DEFB134: variants seen among roughly 807,000 people sequenced by gnomAD.
The protein encoded by DEFB134 is beta-defensin 134.
Under a neutral mutation model 7.4 loss-of-function variants are expected in DEFB134, and 7 were observed. The ratio of observed to expected loss-of-function variants is 0.95; its 90% CI spans 0.54 to 1.79. DEFB134 has a LOEUF of 1.79. Ranked by LOEUF, DEFB134 falls within the 40% of genes most tolerant of loss-of-function variation. The pLI, the probability that DEFB134 is intolerant of heterozygous loss-of-function variation, is 0.00. For synonymous variants in DEFB134, 33 were observed against 25.0 expected (o/e 1.32, Z -0.96); for missense variants, 105 against 74.8 (o/e 1.40, Z -1.49).
chr8:11,999,560 C>T (rs1250280339), upstream of DEFB134: 3 of 152,198 alleles, frequency 2.0e-5, no homozygotes, highest in Non-Finnish European at 4.4e-5. Context: ...TATCATTCTC[C>T]CACTATTGAT....
At chr8:11,994,569 A>C (rs1800067715) in intron 1 of DEFB134, among the ~76,000 whole-genome samples, 1 of 152,222 alleles carries the variant, frequency 6.6e-6, no homozygotes, top group Non-Finnish European at 1.5e-5. Context: ...AAGTTTGTCT[A>C]AGCCACAGTG....
At chr8:12,000,524 A>G (rs1053335708), upstream of DEFB134, among the ~76,000 whole-genome samples, 13 of 152,300 alleles carry the variant, frequency 8.5e-5, no homozygotes, top group African/African-American at 2.9e-4. Flanking sequence ...ATAATACTGA[A>G]CTCTATATAT....
chr8:11,997,486 C>T (rs139474753), upstream of DEFB134, among the ~76,000 whole-genome samples: 299 of 152,200 alleles, frequency 2.0e-3, 1 homozygote, highest in African/African-American at 6.6e-3. Context: ...AGATCTCACA[C>T]GCAATGACAT....
chr8:11,994,191 C>G, intron 1 of DEFB134, 69 bp from the exon 3 acceptor site: 1 of 1,509,102 alleles, frequency 6.6e-7, no homozygotes, highest in South Asian at 1.3e-5. Flanking sequence ...GCTAGTCCCT[C>G]AATTTTTATC....
upstream of DEFB134, chr8:11,996,398 C>G (rs1467466362): frequency 1.3e-5 from 9 of 687,476 alleles, no homozygotes; most frequent in East Asian, 8.9e-5. Context: ...ACACTGAACA[C>G]CCCTGAGGCA....
chr8:11,997,468 T>C (rs146309290), upstream of DEFB134, among the ~76,000 whole-genome samples: 1,171 of 152,268 alleles, frequency 7.7e-3, 13 homozygotes, highest in South Asian at 0.047. Context: ...CTGTATGTTG[T>C]CATCAAGAGA....
chr8:12,000,322 CTG>C (rs1361663786), upstream of DEFB134, among the ~76,000 whole-genome samples: 2 of 152,100 alleles, frequency 1.3e-5, no homozygotes, highest in African/African-American at 4.8e-5. Context: ...GATTCCATGA[CTG>C]TCTTATTTAT....
upstream of DEFB134, among the ~76,000 whole-genome samples, chr8:11,999,697 T>C (rs6996029): frequency 0.025 from 3,749 of 152,238 alleles, 159 homozygotes; most frequent in African/African-American, 0.081. Flanking sequence ...CTGTCAGAGA[T>C]CGTCTCTTGT....
chr8:11,994,255 A>G, intron 1 of DEFB134, 133 bp from the exon 3 acceptor site: 5 of 1,122,844 alleles, frequency 4.5e-6, no homozygotes, highest in African/African-American at 1.6e-5. Flanking sequence ...AACTGAAAAA[A>G]TTAATTAGTG....
upstream of DEFB134, among the ~76,000 whole-genome samples, chr8:11,999,898 G>A (rs534424659): frequency 1.3e-5 from 2 of 152,272 alleles, no homozygotes; most frequent in East Asian, 3.9e-4. Flanking sequence ...GGTGCTCTGG[G>A]ATTAGAAAAT....
At chr8:11,996,152 C>G (rs1052874139) in intron 1 of DEFB134, 42 bp downstream of exon 2, 4 of 1,609,814 alleles carry the variant, frequency 2.5e-6, no homozygotes, top group Non-Finnish European at 3.4e-6. Flanking sequence ...CATTGTTCTT[C>G]TATATGAAGC....
At chr8:11,995,845 T>G (rs904589160) in intron 1 of DEFB134, among the ~76,000 whole-genome samples, 1 of 152,162 alleles carries the variant, frequency 6.6e-6, no homozygotes, top group Non-Finnish European at 1.5e-5. Context: ...TTTCATATTA[T>G]GTATGGACAT....
chr8:11,995,182 T>A (rs1039588624), intron 1 of DEFB134, among the ~76,000 whole-genome samples: 3 of 152,124 alleles, frequency 2.0e-5, no homozygotes, highest in African/African-American at 4.8e-5. Context: ...AAATGACAAG[T>A]TATGAGAATG....
At chr8:11,994,980 G>T (rs1445502958) in intron 1 of DEFB134, among the ~76,000 whole-genome samples, 1 of 152,190 alleles carries the variant, frequency 6.6e-6, no homozygotes, top group Non-Finnish European at 1.5e-5. Flanking sequence ...GAAGCTCAAG[G>T]AATCTGTAGA....
At chr8:11,998,442 C>T (rs952502251), upstream of DEFB134, among the ~76,000 whole-genome samples, 40 of 114,346 alleles carry the variant, frequency 3.5e-4, no homozygotes, top group South Asian at 3.7e-4. Context: ...TAGAGTGAGA[C>T]GCTGTCTTAA....
At chr8:11,993,617 C>G (rs118143363) in exon 2 of DEFB134, 236 of 172,526 alleles carry the variant, frequency 1.4e-3, no homozygotes, top group South Asian at 2.5e-3. Flanking sequence ...AAATGCGAAG[C>G]TGAAGCGAAG....
At chr8:12,000,350 T>C (rs752653664), upstream of DEFB134, among the ~76,000 whole-genome samples, 4 of 152,220 alleles carry the variant, frequency 2.6e-5, no homozygotes, top group Non-Finnish European at 4.4e-5. Context: ...TACACCAGTA[T>C]TGGGCTGAAA....
At chr8:11,996,570 A>C (rs1800129502), upstream of DEFB134, among the ~76,000 whole-genome samples, 1 of 152,248 alleles carries the variant, frequency 6.6e-6, no homozygotes, top group Non-Finnish European at 1.5e-5. Flanking sequence ...AGTAAAATTA[A>C]AATTTGATAG....
chr8:11,996,175 C>A lies in DEFB134; in HGVS notation c.58+19G>T, dbSNP rs749699037. 5 of 1,613,350 alleles carry A rather than the reference C, an allele frequency of 3.1e-6. No homozygotes were observed. The highest frequency in any genetic ancestry group is 3.3e-5 in the Admixed American group (2 of 60,000). On this transcript the variant is annotated intron_variant, in intron 1 of 1. Coordinates refer to ENST00000526438, the Ensembl canonical transcript of DEFB134. ...TTCTATATGAAGCACCCCTACCCCC[C>A]AAAATATGCCAGTTTTACCTGCCAG...
Sources: gnomAD v4.1 joint callset for allele counts (sites outside exome capture counted in the v4.1 genomes callset) on GRCh38, gnomAD v4.1.1 for gene constraint, MANE v1.5 for transcripts, NCBI Gene and HGNC (gene_info 2026-07-23, HGNC 2026-07-21) for gene names.